Variants in THSD7B observed in about 807,000 individuals in gnomAD.
THSD7B encodes the protein thrombospondin type 1 domain containing 7B.
Under a neutral mutation model 213.6 loss-of-function variants are expected in THSD7B, and 138 were observed. That is an observed-to-expected ratio of 0.65 (90% CI 0.56 to 0.74). The LOEUF is 0.74. THSD7B is among the 30% of genes least tolerant of loss of function. The pLI is 0.00. For synonymous variants in THSD7B, 742 were observed against 687.0 expected, an observed-to-expected ratio of 1.08 and a Z score of -1.25; for missense variants, 1,931 against 1,991.5, an observed-to-expected ratio of 0.97 and a Z score of 0.58.
At chr2:137,613,126 A>G (rs1682318024) in intron 17 of THSD7B, among the ~76,000 whole-genome samples, 1 of 152,128 alleles carries the variant, frequency 6.6e-6, no homozygotes, top group Non-Finnish European at 1.5e-5. Context: ...ATATGTCTTT[A>G]AATCTCTTTT....
At chr2:137,307,874 C>T (rs1460860472) in intron 12 of THSD7B, among the ~76,000 whole-genome samples, 1 of 152,080 alleles carries the variant, frequency 6.6e-6, no homozygotes, top group East Asian at 1.9e-4. Context: ...GAGCGGTGAC[C>T]CTCTCTGGAG....
chr2:137,673,212 T>TTAA (rs1257743748), intron 27 of THSD7B, among the ~76,000 whole-genome samples: 5 of 152,332 alleles, frequency 3.3e-5, no homozygotes, highest in African/African-American at 9.6e-5. Context: ...CTTTTCTGGC[T>TTAA]TAATTCATTT....
chr2:137,601,927 A>G (rs1333879058), intron 17 of THSD7B, among the ~76,000 whole-genome samples: 1 of 152,170 alleles, frequency 6.6e-6, no homozygotes, highest in Admixed American at 6.5e-5. Flanking sequence ...GTAGCAAACT[A>G]TTTCAATCTG....
At chr2:137,122,649 A>T (rs1688564719) in intron 5 of THSD7B, among the ~76,000 whole-genome samples, 1 of 152,118 alleles carries the variant, frequency 6.6e-6, no homozygotes, top group South Asian at 2.1e-4. Flanking sequence ...TAATACCTGA[A>T]CTGTTAAGTC....
intron 17 of THSD7B, among the ~76,000 whole-genome samples, chr2:137,580,281 AT>A (rs1206775470): frequency 7.1e-5 from 10 of 141,832 alleles, no homozygotes; most frequent in Non-Finnish European, 1.4e-4. Context: ...GTGAATTGAG[AT>A]TTTTTTCATC....
chr2:136,937,363 A>T (rs1006466877), intron 2 of THSD7B, among the ~76,000 whole-genome samples: 1 of 151,828 alleles, frequency 6.6e-6, no homozygotes, highest in Non-Finnish European at 1.5e-5. Flanking sequence ...GACAGTCCTC[A>T]TCAATCTTCT....
chr2:137,445,108 C>G (rs1687509337), intron 14 of THSD7B, among the ~76,000 whole-genome samples: 1 of 151,844 alleles, frequency 6.6e-6, no homozygotes, highest in Non-Finnish European at 1.5e-5. Context: ...TAGAAACTAA[C>G]AAACTCTAGT....
intron 12 of THSD7B, among the ~76,000 whole-genome samples, chr2:137,387,256 C>T (rs530616678): frequency 6.6e-6 from 1 of 152,342 alleles, no homozygotes; most frequent in Non-Finnish European, 1.5e-5. Flanking sequence ...GGTGACTGCT[C>T]TTATTTGAGT....
intron 17 of THSD7B, among the ~76,000 whole-genome samples, chr2:137,592,323 G>T (rs921264906): frequency 6.6e-6 from 1 of 151,620 alleles, no homozygotes; most frequent in Non-Finnish European, 1.5e-5. Flanking sequence ...AGATCTAGAT[G>T]ATTATTTTCA....
chr2:137,277,873 T>C (rs1682908658), intron 12 of THSD7B, among the ~76,000 whole-genome samples: 1 of 152,088 alleles, frequency 6.6e-6, no homozygotes, highest in African/African-American at 2.4e-5. Context: ...GCTCTGAAAG[T>C]CTGAATAAAG....
At chr2:137,193,679 T>C (rs866712128) in intron 7 of THSD7B, among the ~76,000 whole-genome samples, 1 of 152,030 alleles carries the variant, frequency 6.6e-6, no homozygotes, top group African/African-American at 2.4e-5. Context: ...AGCATGTCAT[T>C]GGACCTTCTG....
chr2:137,521,016 A>C, intron 15 of THSD7B, among the ~76,000 whole-genome samples: 1 of 152,140 alleles, frequency 6.6e-6, no homozygotes, highest in Non-Finnish European at 1.5e-5. Context: ...CTCTGACCTG[A>C]GGTGGGGTTG....
chr2:137,587,699 T>G (rs1681768449), intron 17 of THSD7B, among the ~76,000 whole-genome samples: 1 of 152,204 alleles, frequency 6.6e-6, no homozygotes, highest in Non-Finnish European at 1.5e-5. Flanking sequence ...TTCTGGAACC[T>G]TTGTCTCAGA....
intron 12 of THSD7B, among the ~76,000 whole-genome samples, chr2:137,362,196 C>A (rs1217201599): frequency 6.6e-6 from 1 of 152,164 alleles, no homozygotes; most frequent in African/African-American, 2.4e-5. Flanking sequence ...GAGATTTTGT[C>A]ACCACCAGGC....
At chr2:137,478,544 G>A (rs1400485332) in intron 15 of THSD7B, among the ~76,000 whole-genome samples, 1 of 151,064 alleles carries the variant, frequency 6.6e-6, no homozygotes, top group African/African-American at 2.4e-5. Flanking sequence ...TCATTATTTT[G>A]GATTCTTTTT....
intron 2 of THSD7B, among the ~76,000 whole-genome samples, chr2:136,928,529 T>C (rs1283645996): frequency 6.6e-6 from 1 of 152,208 alleles, no homozygotes; most frequent in African/African-American, 2.4e-5. Flanking sequence ...TGTATCCTGG[T>C]ATACCTGAAA....
In THSD7B at chr2:137,109,024, T is replaced by C. The variant is rs182273968; in HGVS notation, c.1200-6100T>C. Among the ~76,000 whole-genome samples, 3 of 152,268 alleles carry C rather than the reference T, an allele frequency of 2.0e-5. No homozygotes were observed. In the East Asian group the frequency reaches 5.8e-4, roughly 29 times the overall value. On this transcript the variant is annotated intron_variant, in intron 4 of 27. Transcript: ENST00000409968. ...AATCATCCATCACTACTCTCTCTCA[T>C]TCCAGGTCTAATCCATTAGAAGGTT...
chr2:137,237,259 G>C (rs755410505), intron 9 of THSD7B, among the ~76,000 whole-genome samples: 3 of 152,046 alleles, frequency 2.0e-5, no homozygotes, highest in Non-Finnish European at 4.4e-5. Context: ...TCCAAAATCA[G>C]AGTATTACAT....
At chr2:137,288,792 AATAT>A (rs145513737) in intron 12 of THSD7B, among the ~76,000 whole-genome samples, 36 of 145,348 alleles carry the variant, frequency 2.5e-4, no homozygotes, top group East Asian at 1.4e-3. Context: ...CTAGAAACAT[AATAT>A]ATATATATAT....
Sources: allele counts gnomAD v4.1 joint callset (sites outside exome capture counted in the v4.1 genomes callset), GRCh38; gene constraint gnomAD v4.1.1; transcripts MANE v1.5; gene names NCBI Gene and HGNC (gene_info 2026-07-23, HGNC 2026-07-21).